TMEM68: variants seen among roughly 807,000 people sequenced by gnomAD.
TMEM68 encodes the protein transmembrane protein 68.
TMEM68 carries 25 observed loss-of-function variants against 36.9 expected under a neutral mutation model. The ratio of observed to expected loss-of-function variants is 0.68; its 90% CI spans 0.49 to 0.95. TMEM68 has a LOEUF of 0.95. Ranked by LOEUF, TMEM68 falls within the 40% of genes least tolerant of loss-of-function variation. The pLI is 0.00. For synonymous variants in TMEM68, 131 were observed against 124.4 expected (o/e 1.05, Z -0.35); for missense variants, 333 against 392.0 (o/e 0.85, Z 1.27).
intron 4 of TMEM68, among the ~76,000 whole-genome samples, chr8:55,755,949 T>A (rs1269300010): frequency 6.6e-6 from 1 of 151,804 alleles, no homozygotes; most frequent in Non-Finnish European, 1.5e-5. Flanking sequence ...AATTATTTTT[T>A]AAAAACATTA....
chr8:55,773,101 G>A (rs962866191), intron 1 of TMEM68, 168 bp downstream of exon 1: 3 of 152,404 alleles, frequency 2.0e-5, no homozygotes, highest in African/African-American at 4.8e-5. Context: ...GCGGGAAGCC[G>A]AGCCTGCCCG....
chr8:55,743,711 G>A lies in TMEM68; in HGVS notation c.749-91C>T. 3.3e-6 allele frequency: 4 copies of A among 1,208,404 alleles called. No homozygotes were observed. The South Asian group carries it at 7.2e-5, about 22-fold the overall frequency. The allele number at this position is 1,208,404 out of a possible 1,614,324, so 74.9% of individuals were successfully genotyped here. On this transcript the variant is annotated intron_variant, in intron 6 of 7. Transcript: ENST00000434581. ...CAAATTAATTATGTAGGACTTACAG[G>A]AAGGTGGCAAAAAGTATCACTTCTT...
chr8:55,746,902 TG>T (rs1810296037), intron 5 of TMEM68: 1 of 152,152 alleles, frequency 6.6e-6, no homozygotes, highest in Non-Finnish European at 1.5e-5. Flanking sequence ...ATCCACTAGG[TG>T]CTAACAGAAA....
intron 5 of TMEM68, 168 bp from the exon 6 acceptor site, chr8:55,745,289 T>A (rs1810237423): frequency 2.6e-6 from 1 of 391,194 alleles, no homozygotes; most frequent in Non-Finnish European, 4.5e-6. Context: ...CTAAGCAGGG[T>A]CGGGTCTCGT....
chr8:55,750,484 G>A (rs1296230939), intron 5 of TMEM68, among the ~76,000 whole-genome samples: 1 of 150,430 alleles, frequency 6.6e-6, no homozygotes, highest in Non-Finnish European at 1.5e-5. Context: ...CCAAAAGGCT[G>A]AGAAATACTT....
At chr8:55,748,088 G>C (rs1325579675) in intron 5 of TMEM68, 1 of 152,186 alleles carries the variant, frequency 6.6e-6, no homozygotes, top group East Asian at 1.9e-4. Flanking sequence ...TGGGAATATG[G>C]TTTCTACACT....
chr8:55,749,657 T>TCC (rs2129939304), intron 5 of TMEM68, among the ~76,000 whole-genome samples: 1 of 152,174 alleles, frequency 6.6e-6, no homozygotes, highest in African/African-American at 2.4e-5. Context: ...CATCCCTCCA[T>TCC]CTCTCTGTGC....
chr8:55,743,391 G>A (rs1810164099), intron 7 of TMEM68, 90 bp downstream of exon 7: 39 of 1,425,762 alleles, frequency 2.7e-5, no homozygotes, highest in Non-Finnish European at 3.6e-5. Context: ...AGACATGCTT[G>A]TAGAATATAA....
chr8:55,753,259 A>C (rs1448413773), intron 4 of TMEM68, among the ~76,000 whole-genome samples: 1 of 152,206 alleles, frequency 6.6e-6, no homozygotes, highest in African/African-American at 2.4e-5. Flanking sequence ...AAAAACAGTT[A>C]AGTAAATGTT....
chr8:55,772,559 G>A (rs1811212968), intron 1 of TMEM68, among the ~76,000 whole-genome samples: 1 of 152,232 alleles, frequency 6.6e-6, no homozygotes, highest in Non-Finnish European at 1.5e-5. Context: ...AAACCCCAGG[G>A]ACCGAGACAG....
At chr8:55,765,138 C>T (rs1810924572) in intron 1 of TMEM68, among the ~76,000 whole-genome samples, 2 of 152,260 alleles carry the variant, frequency 1.3e-5, no homozygotes, top group South Asian at 2.1e-4. Context: ...TAGAATGCAA[C>T]ATAGCAACCA....
intron 5 of TMEM68, among the ~76,000 whole-genome samples, chr8:55,749,123 T>A (rs1352233349): frequency 6.6e-6 from 1 of 152,252 alleles, no homozygotes; most frequent in Non-Finnish European, 1.5e-5. Context: ...CTATTTACTT[T>A]ACAATTACAG....
intron 6 of TMEM68, among the ~76,000 whole-genome samples, chr8:55,744,464 C>T (rs1201162613): frequency 1.3e-5 from 2 of 150,704 alleles, no homozygotes; most frequent in African/African-American, 4.9e-5. Flanking sequence ...CGCCACCACA[C>T]CTAGCTAATT....
intron 1 of TMEM68, among the ~76,000 whole-genome samples, chr8:55,770,411 A>C (rs1177714962): frequency 6.6e-6 from 1 of 152,164 alleles, no homozygotes; most frequent in African/African-American, 2.4e-5. Context: ...AGGGTGGCTC[A>C]CGCCTGTGAT....
intron 4 of TMEM68, among the ~76,000 whole-genome samples, chr8:55,754,174 C>T (rs950911859): frequency 7.2e-6 from 1 of 138,430 alleles, no homozygotes; most frequent in African/African-American, 2.7e-5. Context: ...GCCTATAATA[C>T]CAGCACTTTG....
At position 55,762,719 on chromosome 8, in the gene TMEM68, T is replaced by C. The variant is rs746788453; in HGVS notation, c.241A>G (p.Lys81Glu). The C allele has an allele frequency of 1.2e-5, 19 of 1,614,190 alleles. No individual in the cohort carries two copies. Among genetic ancestry groups the C allele is most frequent in the Non-Finnish European group, 1.6e-5 (19 of 1,180,028 alleles). ...LHIYKRKNVL[K>E]EAYSHNLWDG... is the part of the protein sequence containing the mutation. ...CATAAATTATGAGAGTAGGCTTCTT[T>C]CAATACATTCTTTCTCTTATAAATG... Residue 81 changes from lysine to glutamate, a missense_variant, in exon 3 of 8, where the codon AAA becomes GAA. Coordinates refer to ENST00000434581, the MANE Select transcript of TMEM68 (RefSeq NM_001286657.2).
intron 7 of TMEM68, among the ~76,000 whole-genome samples, chr8:55,742,090 G>A (rs1047298821): frequency 7.9e-5 from 12 of 152,092 alleles, no homozygotes; most frequent in African/African-American, 2.4e-4. Flanking sequence ...ATCCTATCAC[G>A]TGATACAACA....
At chr8:55,756,452 T>C in intron 3 of TMEM68, 41 bp from the exon 4 acceptor site, 2 of 1,515,128 alleles carry the variant, frequency 1.3e-6, no homozygotes, top group East Asian at 4.8e-5. Flanking sequence ...AATATATTCA[T>C]TAATTCGTTT....
intron 1 of TMEM68, among the ~76,000 whole-genome samples, chr8:55,772,473 C>T (rs1450078440): frequency 1.3e-5 from 2 of 152,132 alleles, no homozygotes; most frequent in Non-Finnish European, 2.9e-5. Flanking sequence ...TTTCTCCATC[C>T]TATTTATGCC....
Sources: gnomAD v4.1 joint callset for allele counts (sites outside exome capture counted in the v4.1 genomes callset) on GRCh38, gnomAD v4.1.1 for gene constraint, MANE v1.5 for transcripts, NCBI Gene and HGNC (gene_info 2026-07-23, HGNC 2026-07-21) for gene names.